The following SHC1 variants were observed in gnomAD, a reference collection of about 807,000 sequenced individuals.
SHC1 encodes SHC adaptor protein 1.
In SHC1, 30 loss-of-function variants were observed where a neutral mutation model predicts 55.9. That is an observed-to-expected ratio of 0.54 (90% CI 0.40 to 0.73). The LOEUF is 0.73. Among genes scored for constraint, SHC1 ranks in the 30% least tolerant of loss-of-function variants. The probability of loss-of-function intolerance (pLI) is 0.00; values close to 1 mark genes in which losing one functional copy is unlikely to be tolerated. For synonymous variants in SHC1, 309 were observed against 306.1 expected (o/e 1.01, Z -0.10); for missense variants, 675 against 777.1 (o/e 0.87, Z 1.56).
chr1:154,965,678 C>T lies in SHC1; in HGVS notation c.1491G>A (p.Arg497=). ...TGAGCTGCAGCAGTGCCTCAGCCTC[C>T]CGCCGGCTCAGCTTCCCATGGAACC... The part of the protein sequence containing the change: ...EPWFHGKLSR[R]EAEALLQLNG... The change falls in exon 11 of 12, where the codon CGG becomes CGA. Residue 497 remains arginine (R), a synonymous_variant. Transcript: ENST00000448116. 3 of 1,614,224 alleles carry T rather than the reference C, an allele frequency of 1.9e-6. No homozygotes were observed. Among genetic ancestry groups the T allele is most frequent in the Non-Finnish European group, 2.5e-6 (3 of 1,180,044 alleles).
chr1:154,968,133 C>T, intron 5 of SHC1, 71 bp downstream of exon 5: 1 of 1,586,528 alleles, frequency 6.3e-7, no homozygotes, highest in Non-Finnish European at 8.7e-7. Context: ...CCCCACTTCT[C>T]TAATCAATGT....
Position 154,966,484 on chromosome 1 carries a change from C to T in SHC1, c.1017G>A (p.Glu339=), listed in dbSNP as rs1198133666. ...MAGFDGSAWD[E]EEEEPPDHQY... is the part of the protein sequence containing the mutation. ...GATGGTCAGGTGGCTCTTCCTCCTC[C>T]TCATCCCATGCTGAGCCATCAAAGC... The change falls in exon 8 of 12, where the codon GAG becomes GAA. Residue 339 remains glutamate, a synonymous_variant. Coordinates refer to ENST00000448116, the MANE Select transcript of SHC1 (RefSeq NM_001130040.2). 1 of 1,607,908 alleles carries T rather than the reference C, an allele frequency of 6.2e-7. No individual in the cohort carries two copies. Among genetic ancestry groups the T allele is most frequent in the Non-Finnish European group, 8.5e-7 (1 of 1,176,480 alleles).
At chr1:154,969,312 C>G in intron 2 of SHC1, 66 bp downstream of exon 2, 1 of 1,110,152 alleles carries the variant, frequency 9.0e-7, no homozygotes, top group East Asian at 2.5e-5. Flanking sequence ...TGACCCACTC[C>G]CCTCCTCTGT....
Position 154,966,353 on chromosome 1 carries a change from T to C in SHC1, c.1148A>G (p.Asn383Ser). The C allele has an allele frequency of 6.2e-7, 1 of 1,614,120 alleles. No individual in the cohort carries two copies. The highest frequency in any genetic ancestry group is 8.5e-7 in the Non-Finnish European group (1 of 1,179,964). ...APGAARPTAPNAQTPSHLGAT... is the reference protein window; with the variant it reads ...APGAARPTAPSAQTPSHLGAT... ...TCCCAAGTGGCTGGGGGTCTGGGCA[T>C]TGGGTGCAGTGGGTCGAGCAGCCCC... Residue 383 changes from asparagine to serine, a missense_variant, in exon 8 of 12, where the codon AAT (asparagine) becomes AGT (serine). Transcript: ENST00000448116.
chr1:154,968,205 G>A lies in SHC1; in HGVS notation c.803C>T (p.Pro268Leu), dbSNP rs1486973471. 9.3e-6 allele frequency: 15 copies of A among 1,613,726 alleles called. No homozygotes were observed. The highest frequency in any genetic ancestry group is 2.2e-5 in the South Asian group (2 of 91,076). ...CCTTTGCTCTGTTCCCCAACTCACC[G>A]GATCCCCGCCGGATGCAAATGAGAT... ...QSISFASGGD[P>L]DTAEYVAYVA... Residue 268 changes from proline (P) to leucine (L), a missense_variant and splice_region_variant, in exon 5 of 12, where the codon CCG (proline) becomes CTG (leucine). Around this residue, in one of 3 missense-constraint regions of SHC1, gnomAD observed 159 missense variants for 246.9 expected, o/e 0.64. Transcript: ENST00000448116.
chr1:154,973,491 A>G (rs1656942615), upstream of SHC1: 1 of 143,070 alleles, frequency 7.0e-6, no homozygotes, highest in African/African-American at 2.6e-5. Flanking sequence ...AGCCTGGACG[A>G]TAAGAGCGAA....
At position 154,970,086 on chromosome 1, in the gene SHC1, GC is replaced by G. The variant is rs1489363384; in HGVS notation, c.440del (p.Gly147AlafsTer79). On this transcript the variant is annotated frameshift_variant, in exon 1 of 12. Transcript: ENST00000448116. LOFTEE classifies it high-confidence loss of function. This position sits in a 1 kb window ranked among gnomAD's most constrained non-coding sequence, Gnocchi z 5.5. Reference protein sequence around the residue: ...HGSFVNKPTRGWLHPNDKVMG... With the variant: ...HGSFVNKPTRXWLHPNDKVMG... ...TGACTTTGTCGTTGGGATGCAGCCA[GC>G]CCCGCGTGGGCTTATTGACAAAGCT... 1 of 1,614,026 alleles carries G rather than the reference GC, an allele frequency of 6.2e-7. No homozygotes were observed. The highest frequency in any genetic ancestry group is 8.5e-7 in the Non-Finnish European group (1 of 1,179,984).
chr1:154,972,524 ACC>A (rs901003315), upstream of SHC1, among the ~76,000 whole-genome samples: 2 of 151,988 alleles, frequency 1.3e-5, no homozygotes, highest in East Asian at 1.9e-4. Flanking sequence ...ATAGCCTCAC[ACC>A]CCCAAAACAC....
At chr1:154,963,972 G>A (rs1248521531) in intron 11 of SHC1, 41 bp from the exon 12 acceptor site, 8 of 1,611,016 alleles carry the variant, frequency 5.0e-6, no homozygotes, top group Non-Finnish European at 6.8e-6. Flanking sequence ...CAGGTGAAGA[G>A]TCAAATAAGA....
At chr1:154,974,167 G>A (rs900732838), upstream of SHC1, 1 of 154,652 alleles carries the variant, frequency 6.5e-6, no homozygotes, top group Non-Finnish European at 1.4e-5. Context: ...ACTTATAAAT[G>A]AAGACCGGAA....
In SHC1 at chr1:154,963,624, C is replaced by G; in HGVS notation, c.*179G>C. On this transcript the variant is annotated 3_prime_UTR_variant, in exon 12 of 12. Coordinates refer to ENST00000448116, the MANE Select transcript of SHC1 (RefSeq NM_001130040.2). The stretch of plus-strand genomic sequence containing the variant: ...AATGTTTGGGGAGAGGCAGGATTCT[C>G]ACCCAGGCTTTTGACTCAAACCCTC... 1.6e-6 allele frequency: 1 copy of G among 606,710 alleles called. No individual in the cohort carries two copies. The highest frequency in any genetic ancestry group is 2.9e-6 in the Non-Finnish European group (1 of 347,542). The allele number at this position is 606,710 out of a possible 1,614,324, so 37.6% of individuals were successfully genotyped here.
chr1:154,968,187 T>C lies in SHC1; in HGVS notation c.804+17A>G. The C allele has an allele frequency of 6.2e-7, 1 of 1,613,588 alleles. No homozygotes were observed. Among genetic ancestry groups the C allele is most frequent in the Non-Finnish European group, 8.5e-7 (1 of 1,179,582 alleles). ...CTTGCTCTTCTCCCACCGCCTTTGC[T>C]CTGTTCCCCAACTCACCGGATCCCC... On this transcript the variant is annotated intron_variant, in intron 5 of 11. Transcript: ENST00000448116.
chr1:154,967,194 G>A (rs1164245973), intron 7 of SHC1, among the ~76,000 whole-genome samples: 4 of 152,062 alleles, frequency 2.6e-5, no homozygotes, highest in African/African-American at 9.7e-5. Context: ...GGCCGGGGGA[G>A]GCACTCCAGC....
intron 1 of SHC1, 38 bp from the exon 2 acceptor site, chr1:154,969,486 C>A: frequency 7.1e-7 from 1 of 1,409,448 alleles, no homozygotes; most frequent in Non-Finnish European, 1.0e-6. Context: ...GTCAGCGGCT[C>A]CCCCACCCCA....
chr1:154,969,485 T>C (rs1571448177), intron 1 of SHC1, 37 bp from the exon 2 acceptor site: 1 of 1,418,538 alleles, frequency 7.0e-7, no homozygotes, highest in Non-Finnish European at 9.9e-7. Flanking sequence ...GGTCAGCGGC[T>C]CCCCCACCCC....
chr1:154,966,403 C>A lies in SHC1; in HGVS notation c.1098G>T (p.Met366Ile), dbSNP rs775299613. 1 of 1,613,936 alleles carries A rather than the reference C, an allele frequency of 6.2e-7. No homozygotes were observed. Among genetic ancestry groups the A allele is most frequent in the Non-Finnish European group, 8.5e-7 (1 of 1,179,968 alleles). The change falls in exon 8 of 12, where the codon ATG (methionine) becomes ATT (isoleucine). Residue 366 changes from methionine to isoleucine, a missense_variant. Physicochemically the swap from Met to Ile is conservative, Grantham distance 10 (BLOSUM62 1). Transcript: ENST00000448116. ...CTGGAGCGGCTCCTTCCCGAAGCCT[C>A]ATGTCTACCACCCCCCCCAAGGGGG... ...KEPPLGGVVD[M>I]RLREGAAPGA... is the part of the protein sequence containing the mutation.
At position 154,969,451 on chromosome 1, in the gene SHC1, A is replaced by C; in HGVS notation, c.496-3T>G. On this transcript the variant is annotated splice_polypyrimidine_tract_variant and splice_region_variant and intron_variant, in intron 1 of 11. Transcript: ENST00000448116. ...AGGACCTCCACACAACCCATGTACT[A>C]AGGGGAGGGAGAAGAGGACAGCAGG... The C allele has an allele frequency of 6.2e-7, 1 of 1,607,834 alleles. No homozygotes were observed. Among genetic ancestry groups the C allele is most frequent in the Non-Finnish European group, 8.5e-7 (1 of 1,175,408 alleles).
chr1:154,964,619 G>C (rs189615644), intron 11 of SHC1, among the ~76,000 whole-genome samples: 24 of 152,256 alleles, frequency 1.6e-4, no homozygotes, highest in Non-Finnish European at 3.2e-4. Flanking sequence ...GGGTAGGTAG[G>C]ACTACAGGCA....
In SHC1 at chr1:154,963,236, A is replaced by G. The variant is rs1344565527; in HGVS notation, c.*567T>C. ...TGCCACTCCTGCCTCTGTTATCCCA[A>G]CCCAAACCGGAGAGGGTGCTCAGCA... On this transcript the variant is annotated 3_prime_UTR_variant, in exon 12 of 12. Coordinates refer to ENST00000448116, the MANE Select transcript of SHC1 (RefSeq NM_001130040.2). The G allele has an allele frequency of 6.5e-6, 1 of 153,328 alleles. No homozygotes were observed. Among genetic ancestry groups the G allele is most frequent in the Non-Finnish European group, 1.5e-5 (1 of 68,514 alleles). 9.5% of individuals were successfully genotyped at this position (153,328 alleles called of 1,614,324 possible). A position where few individuals can be genotyped will look rare whatever the true frequency, so the allele number is the denominator to read the frequency against.
Sources: gnomAD v4.1 joint callset for allele counts (sites outside exome capture counted in the v4.1 genomes callset) on GRCh38, gnomAD v4.1.1 for gene constraint, gnomAD v4.1.1 regional missense constraint, Gnocchi (gnomAD v3.1) non-coding constraint, MANE v1.5 for transcripts, NCBI Gene and HGNC (gene_info 2026-07-23, HGNC 2026-07-21) for gene names.